MAN2B1: variants seen among roughly 807,000 people sequenced by gnomAD.
The protein encoded by MAN2B1 is mannosidase alpha class 2B member 1.
In MAN2B1, 99 loss-of-function variants were observed where a neutral mutation model predicts 127.5. The observed-to-expected ratio is 0.78, with a 90% CI of 0.66 to 0.92. The LOEUF is 0.92. Ranked by LOEUF, MAN2B1 falls within the 40% of genes least tolerant of loss-of-function variation. The pLI, the probability that MAN2B1 is intolerant of heterozygous loss-of-function variation, is 0.00. For missense variants in MAN2B1, 1,304 were observed against 1,384.8 expected (o/e 0.94, Z 0.93); for synonymous variants, 573 against 568.8 (o/e 1.01, Z -0.11).
At position 12,652,280 on chromosome 19, in the gene MAN2B1, G is replaced by A. The variant is rs1259201486; in HGVS notation, c.1929-10C>T. The A allele has an allele frequency of 6.2e-7, 1 of 1,612,374 alleles. No homozygotes were observed. Among genetic ancestry groups the A allele is most frequent in the Admixed American group, 1.7e-5 (1 of 59,992 alleles). On this transcript the variant is annotated splice_polypyrimidine_tract_variant and intron_variant, in intron 15 of 23. Transcript: ENST00000456935. ...TATACTGGCGTTGTACCTGGAGTTG[G>A]GGCAGGTGAGAGTCAGGTAAGGGGC... is the stretch of plus-strand genomic sequence containing the variant.
At chr19:12,657,277 G>T (rs1172261262) in intron 11 of MAN2B1, 169 bp downstream of exon 11, 1 of 88,046 alleles carries the variant, frequency 1.1e-5, no homozygotes, top group Admixed American at 1.0e-4. Context: ...GCCCCGCCCC[G>T]TTCCTGTATC....
chr19:12,657,416 C>T (rs753424578), intron 11 of MAN2B1, 30 bp downstream of exon 11: 3 of 1,533,584 alleles, frequency 2.0e-6, no homozygotes, highest in Non-Finnish European at 2.6e-6. Context: ...TGTCTCCACC[C>T]CCGTGTCTCC....
intron 4 of MAN2B1, 93 bp downstream of exon 4, chr19:12,664,699 T>G: frequency 4.6e-6 from 6 of 1,303,522 alleles, no homozygotes; most frequent in Non-Finnish European, 6.4e-6. Flanking sequence ...GCCTGGTCCT[T>G]GTGAGATTGC....
rs73002392 is a variant in MAN2B1 at position 12,657,577 on chromosome 19, G to A, written c.1310-22C>T. The stretch of plus-strand genomic sequence containing the variant: ...TCATCTGCTCATAGACAATGAGTCC[G>A]GTGAGGTTCTGTGGGACTCAGCTGA... On this transcript the variant is annotated intron_variant, in intron 10 of 23. Transcript: ENST00000456935. The A allele has an allele frequency of 0.61, 935,624 of 1,546,094 alleles. 296,274 individuals carry two copies. The highest frequency in any genetic ancestry group is 0.66 in the Non-Finnish European group (755,557 of 1,142,374).
Position 12,665,338 on chromosome 19 carries a change from T to C in MAN2B1, c.436+14A>G, listed in dbSNP as rs369781893. ...GCTGGGCTTCCTCTTTTCACTTCCT[T>C]GGGGTAGGCTCACCCTGGCGCACAA... On this transcript the variant is annotated intron_variant, in intron 3 of 23. Transcript: ENST00000456935. 44 of 1,602,032 alleles carry C rather than the reference T, an allele frequency of 2.7e-5. No homozygotes were observed. Among genetic ancestry groups the C allele is most frequent in the Non-Finnish European group, 3.6e-5 (42 of 1,179,854 alleles).
At chr19:12,648,431 AG>A (rs2023756309) in intron 20 of MAN2B1, 29 bp from the exon 21 acceptor site, 1 of 1,573,700 alleles carries the variant, frequency 6.4e-7, no homozygotes, top group Admixed American at 1.7e-5. Context: ...GGAGGGGGTG[AG>A]AGTCGTGGGT....
chr19:12,662,973 T>C (rs2024143428), intron 6 of MAN2B1, among the ~76,000 whole-genome samples: 1 of 145,460 alleles, frequency 6.9e-6, no homozygotes, highest in Admixed American at 7.0e-5. Flanking sequence ...AATAAAAATG[T>C]TAAAAATAGA....
intron 11 of MAN2B1, 59 bp downstream of exon 11, chr19:12,657,386 GC>G: frequency 7.0e-7 from 1 of 1,427,942 alleles, no homozygotes; most frequent in Non-Finnish European, 9.6e-7. Flanking sequence ...CCTTTCCCAG[GC>G]CCTGGCCCCG....
rs753033196 is a variant in MAN2B1 at position 12,657,549 on chromosome 19, G to A, written c.1316C>T (p.Ala439Val). 2.6e-6 allele frequency: 4 copies of A among 1,560,900 alleles called. No homozygotes were observed. The highest frequency in any genetic ancestry group is 2.4e-5 in the East Asian group (1 of 42,022). The change falls in exon 11 of 24, where the codon GCG becomes GTG. Residue 439 changes from alanine (A) to valine (V), a missense_variant. Physicochemically the swap from Ala to Val is moderately conservative, Grantham distance 64 (BLOSUM62 0). Coordinates refer to ENST00000456935, the MANE Select transcript of MAN2B1 (RefSeq NM_000528.4). The part of the protein sequence containing the change: ...GSGDSAPLNE[A>V]MAVLQHHDAV... Reference sequence around the variant, plus strand: ...GTCGTGATGCTGGAGCACAGCCATCGCCTCATCTGCTCATAGACAATGAGT... The same window carrying A: ...GTCGTGATGCTGGAGCACAGCCATCACCTCATCTGCTCATAGACAATGAGT...
At chr19:12,648,097 C>T in intron 21 of MAN2B1, 78 bp downstream of exon 21, 19 of 1,382,450 alleles carry the variant, frequency 1.4e-5, no homozygotes, top group Non-Finnish European at 1.9e-5. Context: ...CCCGCTGAGC[C>T]TAGGAAACTC....
rs761245440 is a variant in MAN2B1 at position 12,663,361 on chromosome 19, C to T, written c.865G>A (p.Ala289Thr). 6.2e-6 allele frequency: 10 copies of T among 1,614,106 alleles called. No individual in the cohort carries two copies. The South Asian group carries it at 6.6e-5, about 11-fold the overall frequency. Residue 289 changes from alanine (A) to threonine (T), a missense_variant, in exon 6 of 24, where the codon GCC becomes ACC. Transcript: ENST00000456935. ...VEDPRSPEYN[A>T]KELVDYFLNV... ...AGGAAGTAATCGACCAGCTCCTTGG[C>T]GTTGTACTCGGGGCTGCGAGGGTCC...
At position 12,664,824 on chromosome 19, in the gene MAN2B1, G is replaced by T. The variant is rs772108001; in HGVS notation, c.598C>A (p.His200Asn). 2 of 1,613,680 alleles carry T rather than the reference G, an allele frequency of 1.2e-6. No individual in the cohort carries two copies. Among genetic ancestry groups the T allele is most frequent in the Admixed American group, 3.3e-5 (2 of 59,960 alleles). The change falls in exon 4 of 24, where the codon CAC becomes AAC. Residue 200 changes from histidine (H) to asparagine (N), a missense_variant. Coordinates refer to ENST00000456935, the MANE Select transcript of MAN2B1 (RefSeq NM_000528.4). ...RVAWHIDPFG[H>N]SREQASLFAQ... Reference sequence around the variant, plus strand: ...AACAGCGAGGCCTGCTCCCGAGAGTGGCCGAAGGGGTCAATGTGCCAGGCC... The same window carrying T: ...AACAGCGAGGCCTGCTCCCGAGAGTTGCCGAAGGGGTCAATGTGCCAGGCC...
At chr19:12,656,772 G>T in intron 12 of MAN2B1, 85 bp from the exon 13 acceptor site, 1 of 1,152,408 alleles carries the variant, frequency 8.7e-7, no homozygotes, top group Non-Finnish European at 1.3e-6. Context: ...ACCCCTGGCT[G>T]GTCCTAGTGT....
chr19:12,665,685 T>C lies in MAN2B1; in HGVS notation c.262+18A>G. 2 of 1,611,210 alleles carry C rather than the reference T, an allele frequency of 1.2e-6. No homozygotes were observed. Among genetic ancestry groups the C allele is most frequent in the Non-Finnish European group, 1.7e-6 (2 of 1,177,344 alleles). On this transcript the variant is annotated intron_variant, in intron 2 of 23. Coordinates refer to ENST00000456935, the MANE Select transcript of MAN2B1 (RefSeq NM_000528.4). ...GGACCATGGGGATCCCAGGGACCAGTCCCCATCCTCTACTCACTTCCATAA... is the reference window on the plus strand; with the variant it reads ...GGACCATGGGGATCCCAGGGACCAGCCCCCATCCTCTACTCACTTCCATAA...
intron 1 of MAN2B1, 28 bp downstream of exon 1, chr19:12,666,515 T>C (rs1233010363): frequency 1.3e-6 from 2 of 1,565,916 alleles, no homozygotes; most frequent in African/African-American, 2.7e-5. Context: ...CTGCCTCCTG[T>C]ACGTTTCAGC....
intron 16 of MAN2B1, among the ~76,000 whole-genome samples, chr19:12,650,525 A>AT (rs2023820164): frequency 6.7e-6 from 1 of 148,694 alleles, no homozygotes; most frequent in African/African-American, 2.5e-5. Context: ...CACCCGGCTA[A>AT]TTTTTTGTAT....
Position 12,647,943 on chromosome 19 carries a change from G to C in MAN2B1, c.2664+232C>G, listed in dbSNP as rs1253876396. Among the ~76,000 whole-genome samples the C allele has an allele frequency of 6.6e-6, 1 of 152,164 alleles. No individual in the cohort carries two copies. The highest frequency in any genetic ancestry group is 2.4e-5 in the African/African-American group (1 of 41,438). On this transcript the variant is annotated intron_variant, in intron 21 of 23. Coordinates refer to ENST00000456935, the MANE Select transcript of MAN2B1 (RefSeq NM_000528.4). The surrounding 1 kb of genome is among the most constrained non-coding windows in gnomAD (Gnocchi z 4.9). The stretch of plus-strand genomic sequence containing the variant: ...CTAAAGTGAAATGGGCGGGGCCGGA[G>C]GTGAGTTGGTGGTTTAGGGGCATGA...
intron 18 of MAN2B1, 66 bp downstream of exon 18, chr19:12,649,847 C>CCCCCCCCCCCCCCCGG: frequency 7.6e-7 from 1 of 1,323,078 alleles, no homozygotes; most frequent in Non-Finnish European, 1.1e-6. Context: ...CAGCAAATTT[C>CCCCCCCCCCCCCCCGG]CCTCACCACC....
chr19:12,655,638 C>T, intron 14 of MAN2B1, 56 bp downstream of exon 14: 3 of 1,566,478 alleles, frequency 1.9e-6, no homozygotes, highest in Non-Finnish European at 2.6e-6. Flanking sequence ...CACAGCTCAC[C>T]ATGACACTTC....
Sources: gnomAD v4.1 joint callset for allele counts (sites outside exome capture counted in the v4.1 genomes callset) on GRCh38, gnomAD v4.1.1 for gene constraint, Gnocchi (gnomAD v3.1) non-coding constraint, MANE v1.5 for transcripts, NCBI Gene and HGNC (gene_info 2026-07-23, HGNC 2026-07-21) for gene names.